Variants in SYNPR observed in about 807,000 individuals in gnomAD.
SYNPR encodes the protein synaptoporin.
In SYNPR, 23 loss-of-function variants were observed where a neutral mutation model predicts 32.9. The ratio of observed to expected loss-of-function variants is 0.70; its 90% CI spans 0.50 to 0.99. The LOEUF (loss-of-function observed/expected upper bound fraction) is 0.99. Ranked by LOEUF, SYNPR falls within the 50% of genes least tolerant of loss-of-function variation. The pLI is 0.00. For missense variants in SYNPR, 318 were observed against 349.3 expected, an observed-to-expected ratio of 0.91 and a Z score of 0.71; for synonymous variants, 146 against 135.9, an observed-to-expected ratio of 1.07 and a Z score of -0.52.
intron 2 of SYNPR, among the ~76,000 whole-genome samples, chr3:63,343,130 G>T (rs1050758037): frequency 6.6e-6 from 1 of 152,140 alleles, no homozygotes; most frequent in Non-Finnish European, 1.5e-5. Context: ...CATATTTGAG[G>T]ATGAAGGAAA....
At chr3:63,503,403 C>T (rs1038430701) in intron 3 of SYNPR, among the ~76,000 whole-genome samples, 7 of 151,948 alleles carry the variant, frequency 4.6e-5, no homozygotes, top group African/African-American at 1.7e-4. Flanking sequence ...GGCTTGTCTT[C>T]TTCATTCTCT....
intron 1 of SYNPR, among the ~76,000 whole-genome samples, chr3:63,251,758 G>A (rs72878244): frequency 0.021 from 3,117 of 151,900 alleles, 103 homozygotes; most frequent in African/African-American, 0.071. Flanking sequence ...CTCTGCATCC[G>A]TCTGCTTGGA....
At chr3:63,242,220 C>T (rs1045146187) in intron 1 of SYNPR, among the ~76,000 whole-genome samples, 1 of 152,038 alleles carries the variant, frequency 6.6e-6, no homozygotes, top group Admixed American at 6.6e-5. Flanking sequence ...AAGACATGAG[C>T]AGAGCTTTGC....
intron 3 of SYNPR, among the ~76,000 whole-genome samples, chr3:63,547,818 T>G (rs1423290510): frequency 6.6e-6 from 1 of 152,164 alleles, no homozygotes; most frequent in Admixed American, 6.5e-5. Context: ...CTTCAAAAAG[T>G]CTCCTTGCTC....
chr3:63,502,613 T>A (rs973016052), intron 3 of SYNPR, among the ~76,000 whole-genome samples: 4 of 152,152 alleles, frequency 2.6e-5, no homozygotes, highest in Admixed American at 2.0e-4. Flanking sequence ...ATAGTTTTGC[T>A]TTTTCCAGAA....
intron 2 of SYNPR, among the ~76,000 whole-genome samples, chr3:63,466,538 CT>C (rs1338463236): frequency 6.6e-6 from 1 of 151,616 alleles, no homozygotes; most frequent in African/African-American, 2.4e-5. Context: ...GGTTGCCTCT[CT>C]TTTTGTGATA....
chr3:63,226,256 T>G (rs990362022), upstream of SYNPR, among the ~76,000 whole-genome samples: 2 of 152,174 alleles, frequency 1.3e-5, no homozygotes, highest in African/African-American at 4.8e-5. Flanking sequence ...TTAGTGGGAA[T>G]GTAAATTAGT....
At chr3:63,514,107 G>A (rs1701748534) in intron 3 of SYNPR, among the ~76,000 whole-genome samples, 1 of 152,096 alleles carries the variant, frequency 6.6e-6, no homozygotes, top group Non-Finnish European at 1.5e-5. Context: ...TTTTAGATCA[G>A]TAAAGCACTA....
chr3:63,605,512 T>A (rs1056312249), intron 4 of SYNPR, among the ~76,000 whole-genome samples: 1 of 152,206 alleles, frequency 6.6e-6, no homozygotes, highest in Admixed American at 6.5e-5. Flanking sequence ...TTCAGAAATA[T>A]TTATTGAGCA....
chr3:63,383,047 G>C (rs1413121355), intron 2 of SYNPR, among the ~76,000 whole-genome samples: 2 of 152,186 alleles, frequency 1.3e-5, no homozygotes, highest in Admixed American at 1.3e-4. Flanking sequence ...GTGTTGTAGA[G>C]ATCTTCACAC....
At chr3:63,365,601 T>A (rs2087720238) in intron 2 of SYNPR, among the ~76,000 whole-genome samples, 1 of 152,198 alleles carries the variant, frequency 6.6e-6, no homozygotes, top group Non-Finnish European at 1.5e-5. Context: ...AAGGATATAG[T>A]TCTTTGAAAG....
chr3:63,428,265 C>T (rs888883138), intron 2 of SYNPR, among the ~76,000 whole-genome samples: 1 of 152,180 alleles, frequency 6.6e-6, no homozygotes, highest in African/African-American at 2.4e-5. Context: ...GTCAAAGCCA[C>T]AGAATTCATG....
intron 2 of SYNPR, among the ~76,000 whole-genome samples, chr3:63,253,713 T>C (rs889301242): frequency 1.3e-5 from 2 of 152,204 alleles, no homozygotes; most frequent in Non-Finnish European, 2.9e-5. Context: ...TTTTACACTG[T>C]TGGTGGGACT....
chr3:63,455,757 GT>G (rs1402237843), intron 2 of SYNPR, among the ~76,000 whole-genome samples: 3 of 41,448 alleles, frequency 7.2e-5, no homozygotes, highest in Non-Finnish European at 1.2e-4. Context: ...CATGTTTGGG[GT>G]GTGTGTGTGT....
At chr3:63,347,708 A>C (rs1289341977) in intron 2 of SYNPR, among the ~76,000 whole-genome samples, 2 of 152,126 alleles carry the variant, frequency 1.3e-5, no homozygotes, top group South Asian at 4.1e-4. Flanking sequence ...ATAGTTTCCA[A>C]TTACAAGTAA....
intron 2 of SYNPR, among the ~76,000 whole-genome samples, chr3:63,292,073 A>G (rs1412472958): frequency 6.6e-6 from 1 of 152,202 alleles, no homozygotes; most frequent in Admixed American, 6.5e-5. Context: ...GCTGTAACAC[A>G]ATGGTATTTG....
intron 2 of SYNPR, among the ~76,000 whole-genome samples, chr3:63,351,232 TTTG>T (rs1442904988): frequency 1.3e-5 from 2 of 152,192 alleles, no homozygotes; most frequent in African/African-American, 2.4e-5. Context: ...TGCTCATTTA[TTTG>T]TTGTTGTGTT....
chr3:63,239,475 A>G (rs9845985), intron 1 of SYNPR, among the ~76,000 whole-genome samples: 144,682 of 145,062 alleles, frequency 1, 72,151 homozygotes, highest in East Asian at 1. Flanking sequence ...TAGAATGGGC[A>G]CATGACACAC....
chr3:63,226,557 G>A (rs571363925), upstream of SYNPR, among the ~76,000 whole-genome samples: 1 of 152,226 alleles, frequency 6.6e-6, no homozygotes, highest in African/African-American at 2.4e-5. Context: ...GCAGAAACAT[G>A]GATGGTATTG....
Sources: gnomAD v4.1 joint callset for allele counts (sites outside exome capture counted in the v4.1 genomes callset) on GRCh38, gnomAD v4.1.1 for gene constraint, MANE v1.5 for transcripts, NCBI Gene and HGNC (gene_info 2026-07-23, HGNC 2026-07-21) for gene names.